Variants in ZFP82 observed in about 807,000 individuals in gnomAD.
ZFP82 encodes ZFP82 zinc finger protein.
In ZFP82, 30 loss-of-function variants were observed where a neutral mutation model predicts 54.0. The ratio of observed to expected loss-of-function variants is 0.56; its 90% CI spans 0.42 to 0.75. ZFP82 has a LOEUF of 0.75. Ranked by LOEUF, ZFP82 falls within the 30% of genes least tolerant of loss-of-function variation. The pLI is 0.00. For missense variants in ZFP82, 500 were observed against 636.8 expected (o/e 0.79, Z 2.31); for synonymous variants, 194 against 209.5 (o/e 0.93, Z 0.64).
chr19:36,397,616 A>G (rs2032318384), intron 4 of ZFP82, among the ~76,000 whole-genome samples: 1 of 152,026 alleles, frequency 6.6e-6, no homozygotes, highest in African/African-American at 2.4e-5. Flanking sequence ...GCTAGAGTGC[A>G]GTAGTATAAT....
chr19:36,408,398 T>C (rs1294316027), intron 2 of ZFP82, among the ~76,000 whole-genome samples: 1 of 152,198 alleles, frequency 6.6e-6, no homozygotes, highest in African/African-American at 2.4e-5. Flanking sequence ...CAGATTTTTT[T>C]TTAAAGTCTC....
chr19:36,406,298 G>T (rs1294399412), intron 3 of ZFP82, among the ~76,000 whole-genome samples: 2 of 152,132 alleles, frequency 1.3e-5, no homozygotes, highest in African/African-American at 2.4e-5. Context: ...ACAATTCAAT[G>T]ATTTTTAGTA....
intron 4 of ZFP82, among the ~76,000 whole-genome samples, chr19:36,401,003 C>T (rs2032373981): frequency 6.6e-6 from 1 of 152,142 alleles, no homozygotes; most frequent in African/African-American, 2.4e-5. Context: ...TCATTCTCTA[C>T]TCCGTCCATG....
chr19:36,383,531 G>A (rs948648669), exon 2 of ZFP82: 1 of 151,842 alleles, frequency 6.6e-6, no homozygotes, highest in African/African-American at 2.4e-5. Flanking sequence ...CCAGATGCCT[G>A]GTATCACCAT....
At chr19:36,413,619 G>A (rs1164790257) in intron 1 of ZFP82, among the ~76,000 whole-genome samples, 1 of 152,058 alleles carries the variant, frequency 6.6e-6, no homozygotes, top group African/African-American at 2.4e-5. Flanking sequence ...TTGGGAGGTG[G>A]CAGACTCTCA....
chr19:36,393,987 T>G lies in ZFP82; in HGVS notation c.353A>C (p.Lys118Thr). ...ENHGLKGLIL[K>T]NDWESTGKIE... ...TTTTCCTGTGGATTCCCAATCATTT[T>G]TTAAAATGAGACCCTTAAGGCCATG... Residue 118 changes from lysine (K) to threonine (T), a missense_variant, in exon 5 of 5, where the codon AAA becomes ACA. Lys to Thr is a moderately conservative substitution (Grantham distance 78, BLOSUM62 -1). Transcript: ENST00000392161. The G allele has an allele frequency of 6.2e-7, 1 of 1,613,574 alleles. No individual in the cohort carries two copies. The highest frequency in any genetic ancestry group is 8.5e-7 in the Non-Finnish European group (1 of 1,179,814).
intron 2 of ZFP82, among the ~76,000 whole-genome samples, chr19:36,408,522 A>G (rs188290129): frequency 6.6e-6 from 1 of 152,276 alleles, no homozygotes; most frequent in African/African-American, 2.4e-5. Context: ...TATGACTGTT[A>G]AAAATTGGTT....
chr19:36,385,146 T>G (rs2032101652), downstream of ZFP82, among the ~76,000 whole-genome samples: 1 of 152,114 alleles, frequency 6.6e-6, no homozygotes, highest in East Asian at 1.9e-4. Context: ...TAGGAATGGA[T>G]TAATGTTGTT....
At chr19:36,402,386 G>A (rs1312497811) in intron 4 of ZFP82, among the ~76,000 whole-genome samples, 2 of 145,714 alleles carry the variant, frequency 1.4e-5, no homozygotes, top group Admixed American at 7.2e-5. Flanking sequence ...AGAGAACGGC[G>A]TGAACCCAGG....
At chr19:36,409,086 C>A (rs187051406) in intron 2 of ZFP82, among the ~76,000 whole-genome samples, 2 of 152,050 alleles carry the variant, frequency 1.3e-5, no homozygotes, top group Non-Finnish European at 2.9e-5. Context: ...TAGACCAGCA[C>A]ATCCTGTTCA....
At chr19:36,416,918 C>A (rs539081420) in intron 1 of ZFP82, among the ~76,000 whole-genome samples, 1 of 144,340 alleles carries the variant, frequency 6.9e-6, no homozygotes, top group African/African-American at 2.5e-5. Flanking sequence ...ACTAAAAATA[C>A]AAAAATTAGC....
chr19:36,406,501 T>A (rs1043500575), intron 3 of ZFP82, among the ~76,000 whole-genome samples: 1 of 152,220 alleles, frequency 6.6e-6, no homozygotes, highest in Non-Finnish European at 1.5e-5. Flanking sequence ...ATATAATATG[T>A]AATCTTTTGC....
chr19:36,389,448 A>G lies in ZFP82; in HGVS notation c.*3293T>C, dbSNP rs1182879885. On this transcript the variant is annotated 3_prime_UTR_variant, in exon 5 of 5. Coordinates refer to ENST00000392161, the MANE Select transcript of ZFP82 (RefSeq NM_133466.4). ...GTGTACCTAATGATCCAGATTAAAC[A>G]TTTACCAACATTTTGCTAATCTTGT... Among the ~76,000 whole-genome samples the G allele has an allele frequency of 6.6e-6, 1 of 152,188 alleles. No individual in the cohort carries two copies. Among genetic ancestry groups the G allele is most frequent in the Non-Finnish European group, 1.5e-5 (1 of 68,024 alleles).
intron 2 of ZFP82, 85 bp from the exon 3 acceptor site, chr19:36,408,098 A>G: frequency 6.8e-7 from 1 of 1,472,914 alleles, no homozygotes; most frequent in Non-Finnish European, 9.3e-7. Flanking sequence ...GAGATATTGC[A>G]GGAAGTGGAT....
intron 4 of ZFP82, among the ~76,000 whole-genome samples, chr19:36,401,817 C>A (rs2032389455): frequency 6.6e-6 from 1 of 152,208 alleles, no homozygotes; most frequent in African/African-American, 2.4e-5. Flanking sequence ...ACTAGCAAGG[C>A]TAATGCCGCA....
Position 36,393,813 on chromosome 19 carries a change from C to T in ZFP82, c.527G>A (p.Gly176Glu). The T allele has an allele frequency of 3.1e-6, 5 of 1,614,156 alleles. No homozygotes were observed. The highest frequency in any genetic ancestry group is 4.2e-6 in the Non-Finnish European group (5 of 1,180,018). Residue 176 changes from glycine to glutamate, a missense_variant, in exon 5 of 5, where the codon GGG becomes GAG. Physicochemically the swap from Gly to Glu is moderately conservative, Grantham distance 98. Transcript: ENST00000392161. ...CTGTTGGCGCACTCTGAACGCCTTCCCACATTCCTTACATTCATAGGGTTT... is the reference window on the plus strand; with the variant it reads ...CTGTTGGCGCACTCTGAACGCCTTCTCACATTCCTTACATTCATAGGGTTT... ...VDKPYECKEC[G>E]KAFRVRQQLT...
rs1362570419 is a variant in ZFP82, at chr19:36,391,061, C to T, written c.*1680G>A. 2.0e-5 allele frequency: 3 copies of T among 152,300 alleles called. No homozygotes were observed. The highest frequency in any genetic ancestry group is 7.2e-5 in the African/African-American group (3 of 41,452). The allele number at this position is 152,300 out of a possible 1,614,324, so 9.4% of individuals were successfully genotyped here. A position where few individuals can be genotyped will look rare whatever the true frequency, so the allele number is the denominator to read the frequency against. On this transcript the variant is annotated 3_prime_UTR_variant, in exon 5 of 5. Coordinates refer to ENST00000392161, the MANE Select transcript of ZFP82 (RefSeq NM_133466.4). ...GGGATTACAGGCTTGAGCCACCGCGCCTGGCCTCCTTTGACCTTTTAACCA... is the reference window on the plus strand; with the variant it reads ...GGGATTACAGGCTTGAGCCACCGCGTCTGGCCTCCTTTGACCTTTTAACCA...
At chr19:36,413,308 G>A (rs1266462296) in intron 1 of ZFP82, among the ~76,000 whole-genome samples, 3 of 152,176 alleles carry the variant, frequency 2.0e-5, no homozygotes, top group Non-Finnish European at 4.4e-5. Flanking sequence ...CTACTTGGGA[G>A]GCTGAGGCAG....
chr19:36,401,940 T>C (rs761120676), intron 4 of ZFP82, among the ~76,000 whole-genome samples: 14 of 152,194 alleles, frequency 9.2e-5, no homozygotes, highest in Non-Finnish European at 1.8e-4. Context: ...TCTGTCCACT[T>C]TTCTGAAGGC....
Sources: allele counts gnomAD v4.1 joint callset (sites outside exome capture counted in the v4.1 genomes callset), GRCh38; gene constraint gnomAD v4.1.1; transcripts MANE v1.5; gene names NCBI Gene and HGNC (gene_info 2026-07-23, HGNC 2026-07-21).